The following GPHN variants were observed in gnomAD, a reference collection of about 807,000 sequenced individuals.
The protein encoded by GPHN is gephyrin.
Under a neutral mutation model 95.5 loss-of-function variants are expected in GPHN, and 17 were observed. The observed-to-expected ratio is 0.18, with a 90% CI of 0.12 to 0.27. The LOEUF (loss-of-function observed/expected upper bound fraction) is 0.27. Ranked by LOEUF, GPHN falls within the 10% of genes least tolerant of loss-of-function variation. GPHN has a pLI of 1.00. For missense variants in GPHN, 660 were observed against 978.1 expected (o/e 0.67, Z 4.34); for synonymous variants, 320 against 322.5 (o/e 0.99, Z 0.08).
At chr14:67,429,005 A>G in the GPHN span, among the ~76,000 whole-genome samples, 2 of 152,210 alleles carry the variant, frequency 1.3e-5, no homozygotes, top group African/African-American at 4.8e-5. Context: ...GAGCAGGATC[A>G]CAGAGTTAGA....
chr14:67,065,599 G>A (rs1012095968), intron 11 of GPHN, among the ~76,000 whole-genome samples: 2 of 152,086 alleles, frequency 1.3e-5, no homozygotes, highest in African/African-American at 4.8e-5. Flanking sequence ...CTTGCTTTAC[G>A]AATCTGGGTG....
Position 66,810,359 on chromosome 14 carries a change from G to T in GPHN, c.202-14115G>T, listed in dbSNP as rs989210983. Among the ~76,000 whole-genome samples, 229 of 124,916 alleles carry T rather than the reference G, an allele frequency of 1.8e-3. 1 individual carries two copies. Among genetic ancestry groups the T allele is most frequent in the African/African-American group, 0.011 (227 of 21,460 alleles). The allele number at this position is 124,916 out of a possible 152,430, so 81.9% of individuals were successfully genotyped here. On this transcript the variant is annotated intron_variant, in intron 3 of 22. Coordinates refer to ENST00000478722, the MANE Select transcript of GPHN (RefSeq NM_020806.5). ...AAACTAAATAATAAAACTGTTTCCA[G>T]ATTTTTTTTGTTAAAGATTTTTAAA...
At chr14:67,120,260 G>C (rs2078947001) in intron 16 of GPHN, among the ~76,000 whole-genome samples, 1 of 152,014 alleles carries the variant, frequency 6.6e-6, no homozygotes, top group African/African-American at 2.4e-5. Flanking sequence ...TTTTGAAACT[G>C]TAATAAATTT....
chr14:67,307,088 A>G, the GPHN span, among the ~76,000 whole-genome samples: 1 of 152,154 alleles, frequency 6.6e-6, no homozygotes, highest in Non-Finnish European at 1.5e-5. Context: ...GAGTTCTTAA[A>G]TTTCTTTTGT....
Position 66,842,604 on chromosome 14 carries a change from C to T in GPHN, c.294+18038C>T, listed in dbSNP as rs2062144708. On this transcript the variant is annotated intron_variant, in intron 4 of 22. Transcript: ENST00000478722. ...TCTTATTTCCCTGAACCAGTTTGTA[C>T]AGCCCTAAATTTGACCTGCTTTCCT... 4 of 1,021,334 alleles carry T rather than the reference C, an allele frequency of 3.9e-6. No homozygotes were observed. In the South Asian group the frequency reaches 5.5e-5, roughly 14 times the overall value. The allele number at this position is 1,021,334 out of a possible 1,614,324, so 63.3% of individuals were successfully genotyped here.
At chr14:66,571,436 G>C (rs968850860) in intron 1 of GPHN, among the ~76,000 whole-genome samples, 4 of 152,232 alleles carry the variant, frequency 2.6e-5, no homozygotes, top group African/African-American at 9.6e-5. Flanking sequence ...CATTCTGTAG[G>C]CTGTCTCTTC....
intron 11 of GPHN, among the ~76,000 whole-genome samples, chr14:67,082,653 G>A (rs1302720084): frequency 6.6e-6 from 1 of 152,020 alleles, no homozygotes; most frequent in African/African-American, 2.4e-5. Context: ...GAGTTTTTCT[G>A]TTTTTATAAA....
At chr14:67,473,882 G>A in the GPHN span, 1 of 1,610,878 alleles carries the variant, frequency 6.2e-7, no homozygotes, top group African/African-American at 1.3e-5. The surrounding 1 kb of genome is among the most constrained non-coding windows in gnomAD (Gnocchi z 6.5). Flanking sequence ...TGGCATACAG[G>A]TACCAGCGGG....
intron 4 of GPHN, among the ~76,000 whole-genome samples, chr14:66,833,010 A>G (rs1022739721): frequency 6.6e-6 from 1 of 152,212 alleles, no homozygotes; most frequent in Non-Finnish European, 1.5e-5. Flanking sequence ...ACGTAGAAGG[A>G]TGGATACACT....
intron 4 of GPHN, among the ~76,000 whole-genome samples, chr14:66,874,535 A>G (rs1369307201): frequency 6.6e-6 from 1 of 152,212 alleles, no homozygotes; most frequent in East Asian, 1.9e-4. Flanking sequence ...ATTGGTAACT[A>G]GAATAACCAG....
At chr14:67,647,938 A>G in the GPHN span, 1 of 1,068,720 alleles carries the variant, frequency 9.4e-7, no homozygotes, top group Middle Eastern at 2.3e-4. Context: ...ACAAAGTACT[A>G]GGACTAATAG....
At chr14:66,885,859 C>T (rs2153537393) in intron 5 of GPHN, among the ~76,000 whole-genome samples, 1 of 147,786 alleles carries the variant, frequency 6.8e-6, no homozygotes, top group African/African-American at 2.5e-5. Flanking sequence ...AAAAGCAAAC[C>T]CTAGGGAAGG....
the GPHN span, among the ~76,000 whole-genome samples, chr14:67,207,320 A>C: frequency 6.6e-6 from 1 of 152,162 alleles, no homozygotes; most frequent in Non-Finnish European, 1.5e-5. Context: ...CCAGCACATC[A>C]CATGGCCAGA....
intron 1 of GPHN, among the ~76,000 whole-genome samples, chr14:66,545,203 G>T (rs1877209659): frequency 6.7e-6 from 1 of 149,688 alleles, no homozygotes. Context: ...TGGCCGGGCG[G>T]GGGGCTGACC....
At chr14:67,577,262 T>C in the GPHN span, 3 of 1,309,810 alleles carry the variant, frequency 2.3e-6, no homozygotes, top group African/African-American at 4.4e-5. Flanking sequence ...CCCCTCTCAG[T>C]AGTAACTGCC....
chr14:66,538,781 GTT>G (rs11390341), intron 1 of GPHN, among the ~76,000 whole-genome samples: 1 of 130,158 alleles, frequency 7.7e-6, no homozygotes, highest in Non-Finnish European at 1.8e-5. Flanking sequence ...ATTTTTTCTT[GTT>G]TTTTTTTTTT....
chr14:66,578,953 G>A (rs189892457), intron 1 of GPHN, among the ~76,000 whole-genome samples: 2 of 151,844 alleles, frequency 1.3e-5, no homozygotes, highest in Non-Finnish European at 3.0e-5. Flanking sequence ...CAATGGTGGT[G>A]TGTAAATCAA....
chr14:67,401,373 G>T, the GPHN span, among the ~76,000 whole-genome samples: 1 of 151,762 alleles, frequency 6.6e-6, no homozygotes, highest in South Asian at 2.1e-4. Context: ...TTAGCCAGGC[G>T]TGGTGGCACG....
chr14:67,203,212 C>T, the GPHN span: 3 of 1,613,852 alleles, frequency 1.9e-6, no homozygotes, highest in Non-Finnish European at 2.5e-6. Context: ...GCCCATCTGA[C>T]ACCTGGTGCC....
Sources: gnomAD v4.1 joint callset for allele counts (sites outside exome capture counted in the v4.1 genomes callset) on GRCh38, gnomAD v4.1.1 for gene constraint, Gnocchi (gnomAD v3.1) non-coding constraint, MANE v1.5 for transcripts, NCBI Gene and HGNC (gene_info 2026-07-23, HGNC 2026-07-21) for gene names.